The following MYCBP2 variants were observed in gnomAD, a reference collection of about 807,000 sequenced individuals.
MYCBP2 encodes MYC binding protein 2.
In MYCBP2, 120 loss-of-function variants were observed where a neutral mutation model predicts 525.3. The ratio of observed to expected loss-of-function variants is 0.23; its 90% CI spans 0.20 to 0.27. The LOEUF (loss-of-function observed/expected upper bound fraction) is 0.27, where lower values mean the gene tolerates loss of function less well. MYCBP2 is among the 10% of genes least tolerant of loss of function. MYCBP2 has a pLI of 1.00. For missense variants in MYCBP2, 4,149 were observed against 5,657.1 expected, an observed-to-expected ratio of 0.73 and a Z score of 8.55; for synonymous variants, 1,894 against 1,955.8, an observed-to-expected ratio of 0.97 and a Z score of 0.83.
chr13:77,092,500 C>T (rs914457620), intron 59 of MYCBP2: 2 of 151,980 alleles, frequency 1.3e-5, no homozygotes, highest in Non-Finnish European at 2.9e-5. Context: ...TCTCAGCTCA[C>T]TGCAACCTCT....
At chr13:77,297,031 T>C (rs2078265100) in intron 1 of MYCBP2, among the ~76,000 whole-genome samples, 1 of 152,206 alleles carries the variant, frequency 6.6e-6, no homozygotes, top group Non-Finnish European at 1.5e-5. Context: ...AAAAATCTGC[T>C]CTTTTTGGTA....
intron 14 of MYCBP2, among the ~76,000 whole-genome samples, chr13:77,252,438 C>G (rs1441057303): frequency 1.3e-5 from 2 of 152,000 alleles, no homozygotes; most frequent in Non-Finnish European, 2.9e-5. Context: ...ATCAAATAAC[C>G]AAATAAAAAT....
chr13:77,182,152 G>A (rs1373268802), intron 32 of MYCBP2, among the ~76,000 whole-genome samples: 1 of 151,976 alleles, frequency 6.6e-6, no homozygotes, highest in Non-Finnish European at 1.5e-5. Flanking sequence ...GAAAAATCAG[G>A]CTCCTGTCCT....
At position 77,125,444 on chromosome 13, in the gene MYCBP2, C is replaced by T; in HGVS notation, c.7909G>A (p.Val2637Met). 1 of 1,613,792 alleles carries T rather than the reference C, an allele frequency of 6.2e-7. No individual in the cohort carries two copies. The highest frequency in any genetic ancestry group is 8.5e-7 in the Non-Finnish European group (1 of 1,179,770). The change falls in exon 54 of 83, where the codon GTG (valine) becomes ATG (methionine). Residue 2637 changes from valine (V) to methionine (M), a missense_variant. Val to Met is a conservative substitution (Grantham distance 21). Transcript: ENST00000544440. ...ACCATGCTGTTCTGATCCAGTTGCACCCATGTCCCTTCAGAATTGGTTACC... is the reference window on the plus strand; with the variant it reads ...ACCATGCTGTTCTGATCCAGTTGCATCCATGTCCCTTCAGAATTGGTTACC... ...GEVTNSEGTW[V>M]QLDQNSMVEF...
At chr13:77,299,810 T>A (rs2078577797) in intron 1 of MYCBP2, among the ~76,000 whole-genome samples, 1 of 152,190 alleles carries the variant, frequency 6.6e-6, no homozygotes, top group Non-Finnish European at 1.5e-5. Context: ...TTCATATCCA[T>A]CAGATTTGAA....
Position 77,081,787 on chromosome 13 carries a change from A to G in MYCBP2, c.11193+50T>C. 6.3e-7 allele frequency: 1 copy of G among 1,575,094 alleles called. No homozygotes were observed. Among genetic ancestry groups the G allele is most frequent in the East Asian group, 2.2e-5 (1 of 44,548 alleles). ...TGAATAACTTACAGTTTCTCCTTTG[A>G]TGTATTATTAACTAACAGGACAACC... On this transcript the variant is annotated intron_variant, in intron 64 of 82. Transcript: ENST00000544440. The surrounding 1 kb of genome is among the most constrained non-coding windows in gnomAD (Gnocchi z 4.6).
chr13:77,171,758 A>T, intron 37 of MYCBP2, 124 bp from the exon 38 acceptor site: 1 of 895,924 alleles, frequency 1.1e-6, no homozygotes, highest in South Asian at 1.8e-5. Context: ...TAAAAAAGTA[A>T]ACATGCAACT....
At chr13:77,104,468 CT>C (rs1009942905) in intron 55 of MYCBP2, among the ~76,000 whole-genome samples, 4 of 152,020 alleles carry the variant, frequency 2.6e-5, no homozygotes, top group African/African-American at 9.7e-5. Flanking sequence ...ACATCAGGTG[CT>C]GAGAAACTTG....
At position 77,196,176 on chromosome 13, in the gene MYCBP2, T is replaced by A. The variant is rs888611444; in HGVS notation, c.3844-1932A>T. On this transcript the variant is annotated intron_variant, in intron 26 of 82. Transcript: ENST00000544440. ...TATGAGGAAACAGCAAGTGAAGAGG[T>A]ACTGAGATTTGACTGTGCCTGGAAT... Among the ~76,000 whole-genome samples, 5 of 152,238 alleles carry A rather than the reference T, an allele frequency of 3.3e-5. No individual in the cohort carries two copies. The East Asian group carries it at 9.6e-4, about 29-fold the overall frequency.
chr13:77,230,979 G>A (rs897431108), intron 18 of MYCBP2, among the ~76,000 whole-genome samples: 1 of 152,188 alleles, frequency 6.6e-6, no homozygotes, highest in African/African-American at 2.4e-5. Context: ...TGAATGGAGA[G>A]ATAATTAAAT....
chr13:77,281,715 A>G (rs1040099147), intron 3 of MYCBP2, among the ~76,000 whole-genome samples: 5 of 152,186 alleles, frequency 3.3e-5, no homozygotes, highest in Non-Finnish European at 7.4e-5. Flanking sequence ...TGATATATAA[A>G]GAGTCTTTCA....
intron 55 of MYCBP2, among the ~76,000 whole-genome samples, chr13:77,103,846 T>C (rs2047446620): frequency 6.6e-6 from 1 of 152,216 alleles, no homozygotes; most frequent in African/African-American, 2.4e-5. Context: ...AGTGAAAACG[T>C]TAGTACTAAC....
At chr13:77,132,577 T>G (rs554980227) in intron 52 of MYCBP2, among the ~76,000 whole-genome samples, 52 of 152,264 alleles carry the variant, frequency 3.4e-4, no homozygotes, top group Non-Finnish European at 6.8e-4. Flanking sequence ...AGAATTCAGA[T>G]TATATGGGAA....
intron 20 of MYCBP2, among the ~76,000 whole-genome samples, chr13:77,221,411 G>A (rs1032982225): frequency 6.6e-6 from 1 of 152,152 alleles, no homozygotes; most frequent in African/African-American, 2.4e-5. Flanking sequence ...TTCCCTCTCA[G>A]CGGCCAACAC....
At chr13:77,154,485 T>G (rs1204620667) in intron 46 of MYCBP2, among the ~76,000 whole-genome samples, 1 of 149,652 alleles carries the variant, frequency 6.7e-6, no homozygotes, top group African/African-American at 2.4e-5. Flanking sequence ...AAAGATGAAG[T>G]CTGACTTTCA....
chr13:77,134,858 G>C (rs1479675406), intron 52 of MYCBP2, among the ~76,000 whole-genome samples: 2 of 152,172 alleles, frequency 1.3e-5, no homozygotes, highest in African/African-American at 4.8e-5. Flanking sequence ...AAGACTGATA[G>C]ATCCAAATTG....
chr13:77,279,981 A>G (rs2076020929), intron 3 of MYCBP2, among the ~76,000 whole-genome samples: 1 of 152,202 alleles, frequency 6.6e-6, no homozygotes, highest in African/African-American at 2.4e-5. Context: ...TACAAGGAAC[A>G]TGTCTTAAAC....
rs1567092321 is a variant in MYCBP2 at position 77,263,848 on chromosome 13, A to G, written c.1432-59T>C. 6 of 1,608,974 alleles carry G rather than the reference A, an allele frequency of 3.7e-6. No individual in the cohort carries two copies. In the Admixed American group the frequency reaches 8.4e-5, roughly 23 times the overall value. On this transcript the variant is annotated intron_variant, in intron 9 of 82. Coordinates refer to ENST00000544440, the MANE Select transcript of MYCBP2 (RefSeq NM_015057.5). Reference sequence around the variant, plus strand: ...ACATAAAGAGGTCGTTCAAGGCTCTACAGTCTATCTAATAAAAGCTAAATA... The same window carrying G: ...ACATAAAGAGGTCGTTCAAGGCTCTGCAGTCTATCTAATAAAAGCTAAATA...
rs570989337 is a variant in MYCBP2 at position 77,088,736 on chromosome 13, C to A, written c.10725+96G>T. 7 of 1,102,720 alleles carry A rather than the reference C, an allele frequency of 6.3e-6. No individual in the cohort carries two copies. The African/African-American group carries it at 7.8e-5, about 12-fold the overall frequency. 68.3% of individuals were successfully genotyped at this position (1,102,720 alleles called of 1,614,324 possible). On this transcript the variant is annotated intron_variant, in intron 61 of 82. Transcript: ENST00000544440. The stretch of plus-strand genomic sequence containing the variant: ...AATTGGCTAATGCCTTTTAATTTCA[C>A]ACAATTTCTGTTGGTAAAAAAGTGG...
Sources: allele counts gnomAD v4.1 joint callset (sites outside exome capture counted in the v4.1 genomes callset), GRCh38; gene constraint gnomAD v4.1.1; non-coding constraint Gnocchi (gnomAD v3.1); transcripts MANE v1.5; gene names NCBI Gene and HGNC (gene_info 2026-07-23, HGNC 2026-07-21).